URB2: variants seen among roughly 807,000 people sequenced by gnomAD.
The protein encoded by URB2 is unhealthy ribosome biogenesis protein 2 homolog.
In URB2, 86 loss-of-function variants were observed where a neutral mutation model predicts 120.9. The ratio of observed to expected loss-of-function variants is 0.71; its 90% confidence interval spans 0.60 to 0.85. URB2 has a LOEUF of 0.85. Ranked by LOEUF, URB2 falls within the 40% of genes least tolerant of loss-of-function variation. The pLI, the probability that URB2 is intolerant of heterozygous loss-of-function variation, is 0.00. For missense variants in URB2, 1,765 were observed against 1,836.5 expected (o/e 0.96, Z 0.71); for synonymous variants, 755 against 758.4 (o/e 1.00, Z 0.07).
rs375788834 is a variant in URB2 at position 229,637,788 on chromosome 1, T to G, written c.3175T>G (p.Ser1059Ala). 3.7e-6 allele frequency: 6 copies of G among 1,613,866 alleles called. No homozygotes were observed. Among genetic ancestry groups the G allele is most frequent in the Non-Finnish European group, 4.2e-6 (5 of 1,180,020 alleles). The change falls in exon 4 of 10, where the codon TCT becomes GCT. Residue 1059 changes from serine to alanine, a missense_variant. Physicochemically the swap from Ser to Ala is moderately conservative, Grantham distance 99. Coordinates refer to ENST00000258243, the MANE Select transcript of URB2 (RefSeq NM_014777.4). ...NPQGRQLLLV[S>A]LTRLCHVLGP... Reference sequence around the variant, plus strand: ...CCAGGGCAGGCAGCTCCTTCTGGTGTCTTTAACCAGGTTGTGCCATGTCCT... The same window carrying G: ...CCAGGGCAGGCAGCTCCTTCTGGTGGCTTTAACCAGGTTGTGCCATGTCCT...
rs558196379 is a variant in URB2, at chr1:229,633,866, C to T, written c.304-1051C>T. Among the ~76,000 whole-genome samples the T allele has an allele frequency of 2.6e-5, 4 of 152,342 alleles. No homozygotes were observed. In the East Asian group the frequency reaches 7.7e-4, roughly 29 times the overall value. ...AAAAAATTTTTTTGAGATAGAGTCT[C>T]TGTCACCCAGGCTGGAGTGCAGTGG... On this transcript the variant is annotated intron_variant, in intron 3 of 9. Transcript: ENST00000258243.
chr1:229,651,181 A>G, intron 7 of URB2, 54 bp from the exon 8 acceptor site: 1 of 1,506,574 alleles, frequency 6.6e-7, no homozygotes, highest in Non-Finnish European at 8.9e-7. Flanking sequence ...TTTAAAGTAG[A>G]AAAACTTAAA....
chr1:229,638,296 C>T (rs1665909901), intron 4 of URB2, 49 bp downstream of exon 4: 2 of 1,514,034 alleles, frequency 1.3e-6, no homozygotes, highest in Non-Finnish European at 1.8e-6. Context: ...GGTCTGGTTT[C>T]CACTGCTCCC....
intron 4 of URB2, among the ~76,000 whole-genome samples, chr1:229,639,885 GC>G (rs1258128653): frequency 6.6e-6 from 1 of 152,084 alleles, no homozygotes; most frequent in East Asian, 1.9e-4. Context: ...GACCTTTACA[GC>G]CCCCCTGGTG....
intron 4 of URB2, among the ~76,000 whole-genome samples, 187 bp downstream of exon 4, chr1:229,638,434 A>G (rs1353745490): frequency 6.6e-6 from 1 of 151,940 alleles, no homozygotes; most frequent in African/African-American, 2.4e-5. Flanking sequence ...TCACAAGGCC[A>G]GGAGATCGAG....
chr1:229,656,779 G>T (rs1466940707), intron 9 of URB2, among the ~76,000 whole-genome samples: 1 of 152,174 alleles, frequency 6.6e-6, no homozygotes, highest in Admixed American at 6.5e-5. Context: ...TTTCCTCCAA[G>T]CAGTAATGAG....
intron 2 of URB2, among the ~76,000 whole-genome samples, chr1:229,628,153 A>T (rs1467114655): frequency 4.2e-5 from 5 of 117,694 alleles, no homozygotes; most frequent in South Asian, 2.4e-4. Flanking sequence ...TATAATATAT[A>T]TAGTATATGT....
intron 2 of URB2, among the ~76,000 whole-genome samples, chr1:229,628,443 C>T (rs983432013): frequency 1.3e-5 from 2 of 151,510 alleles, no homozygotes; most frequent in South Asian, 4.2e-4. Context: ...ATGAACCCAC[C>T]GAATTTAGCA....
Position 229,637,003 on chromosome 1 carries a change from A to G in URB2, c.2390A>G (p.His797Arg), listed in dbSNP as rs199984745. Residue 797 changes from histidine to arginine, a missense_variant, in exon 4 of 10, where the codon CAT becomes CGT. His to Arg is a conservative substitution (Grantham distance 29). Coordinates refer to ENST00000258243, the MANE Select transcript of URB2 (RefSeq NM_014777.4). ...TLEKISKAFL[H>R]SPLFPEMQSL... ...GAAAAAATATCCAAAGCCTTCCTTC[A>G]TAGCCCTCTCTTTCCAGAGATGCAG... 2.9e-5 allele frequency: 47 copies of G among 1,613,986 alleles called. No homozygotes were observed. Among genetic ancestry groups the G allele is most frequent in the Admixed American group, 6.7e-5 (4 of 60,018 alleles).
Position 229,637,545 on chromosome 1 carries a change from T to C in URB2, c.2932T>C (p.Leu978=). 1.2e-6 allele frequency: 2 copies of C among 1,614,230 alleles called. No individual in the cohort carries two copies. The highest frequency in any genetic ancestry group is 8.5e-7 in the Non-Finnish European group (1 of 1,180,034). Residue 978 remains leucine (L), a synonymous_variant, in exon 4 of 10, where the codon TTG becomes CTG. Transcript: ENST00000258243. ...TATTTTTGAGGTTGTACTGACCTCA[T>C]TGTTCAGAGCTAGTAGTAGGTTCCT... ...SDIFEVVLTS[L]FRASSRFLIE...
At chr1:229,627,400 C>A (rs918993212) in intron 1 of URB2, among the ~76,000 whole-genome samples, 2 of 152,144 alleles carry the variant, frequency 1.3e-5, no homozygotes, top group African/African-American at 4.8e-5. Flanking sequence ...TGTGTGCAGT[C>A]CATCTTTTGC....
chr1:229,652,522 G>A (rs1666304862), intron 8 of URB2, among the ~76,000 whole-genome samples: 3 of 152,342 alleles, frequency 2.0e-5, no homozygotes, highest in South Asian at 2.1e-4. Flanking sequence ...TCCTCTGCCC[G>A]GTTTTGGGAT....
rs1428490000 is a variant in URB2, at chr1:229,647,667, T to C, written c.4064T>C (p.Leu1355Ser). ...TTCAGCATCCTTCTCACTGTCCCTTTGGACCATCTGAAGCCGCTGGAGTAT... is the reference window on the plus strand; with the variant it reads ...TTCAGCATCCTTCTCACTGTCCCTTCGGACCATCTGAAGCCGCTGGAGTAT... ...LAFSILLTVP[L>S]DHLKPLEYGS... Residue 1355 changes from leucine to serine, a missense_variant, in exon 7 of 10, where the codon TTG becomes TCG. By Grantham distance (145) the Leu-to-Ser change is moderately radical. Coordinates refer to ENST00000258243, the MANE Select transcript of URB2 (RefSeq NM_014777.4). The C allele has an allele frequency of 1.2e-6, 2 of 1,614,040 alleles. No homozygotes were observed. The highest frequency in any genetic ancestry group is 1.7e-6 in the Non-Finnish European group (2 of 1,180,042).
At chr1:229,628,463 T>A (rs1169551524) in intron 2 of URB2, among the ~76,000 whole-genome samples, 2 of 151,900 alleles carry the variant, frequency 1.3e-5, no homozygotes, top group Non-Finnish European at 2.9e-5. Context: ...ATTTCTTTTG[T>A]TTGGAGACAT....
rs2102795256 is a variant in URB2 at position 229,647,611 on chromosome 1, C to T, written c.4008C>T (p.Ala1336=). ...LAALLRQGEE[A]IGNPHHVSLA... is the part of the protein sequence containing the mutation. Reference sequence around the variant, plus strand: ...CACTGCTGCGGCAGGGGGAGGAGGCCATCGGCAACCCCCACCACGTCAGCC... The same window carrying T: ...CACTGCTGCGGCAGGGGGAGGAGGCTATCGGCAACCCCCACCACGTCAGCC... Residue 1336 remains alanine, a synonymous_variant, in exon 7 of 10, where the codon GCC becomes GCT. Coordinates refer to ENST00000258243, the MANE Select transcript of URB2 (RefSeq NM_014777.4). 1 of 1,614,190 alleles carries T rather than the reference C, an allele frequency of 6.2e-7. No individual in the cohort carries two copies. Among genetic ancestry groups the T allele is most frequent in the East Asian group, 2.2e-5 (1 of 44,872 alleles).
At chr1:229,634,056 G>A (rs573983029) in intron 3 of URB2, among the ~76,000 whole-genome samples, 8 of 151,430 alleles carry the variant, frequency 5.3e-5, no homozygotes, top group South Asian at 2.1e-4. Context: ...GTTCTCGAAC[G>A]CCTGGCCTCA....
intron 8 of URB2, among the ~76,000 whole-genome samples, chr1:229,653,941 T>TA (rs961635272): frequency 3.3e-5 from 5 of 149,702 alleles, no homozygotes; most frequent in African/African-American, 9.8e-5. Flanking sequence ...TTGGTGTTTT[T>TA]TTTTTTTTTT....
Position 229,643,646 on chromosome 1 carries a change from A to G in URB2, c.3748A>G (p.Ile1250Val), listed in dbSNP as rs1666066120. Residue 1250 changes from isoleucine (I) to valine (V), a missense_variant, in exon 5 of 10, where the codon ATT becomes GTT. Physicochemically the swap from Ile to Val is conservative, Grantham distance 29. Transcript: ENST00000258243. ...TEDLRLVMQC[I>V]LQGLDVSNMW... is the part of the protein sequence containing the mutation. Reference sequence around the variant, plus strand: ...GGACTTGAGGCTGGTGATGCAGTGTATTCTCCAGGGACTGGATGTCAGTAA... The same window carrying G: ...GGACTTGAGGCTGGTGATGCAGTGTGTTCTCCAGGGACTGGATGTCAGTAA... 1 of 1,614,076 alleles carries G rather than the reference A, an allele frequency of 6.2e-7. No homozygotes were observed. The highest frequency in any genetic ancestry group is 1.3e-5 in the African/African-American group (1 of 74,934).
rs1250598757 is a variant in URB2, at chr1:229,651,242, T to C, written c.4157T>C (p.Leu1386Pro). The C allele has an allele frequency of 1.2e-6, 2 of 1,608,050 alleles. No individual in the cohort carries two copies. Among genetic ancestry groups the C allele is most frequent in the South Asian group, 1.1e-5 (1 of 89,590 alleles). ...TGTTATCTGTCATTACAGGTAATGCTGAAAGCCATCCCTTCTTTCTTGAAC... is the reference window on the plus strand; with the variant it reads ...TGTTATCTGTCATTACAGGTAATGCCGAAAGCCATCCCTTCTTTCTTGAAC... ...SILQCHPKVM[L>P]KAIPSFLNSF... The change falls in exon 8 of 10, where the codon CTG becomes CCG. Residue 1386 changes from leucine (L) to proline (P), a missense_variant. Leu to Pro is a moderately conservative substitution (Grantham distance 98). Coordinates refer to ENST00000258243, the MANE Select transcript of URB2 (RefSeq NM_014777.4).
Sources: gnomAD v4.1 joint callset for allele counts (sites outside exome capture counted in the v4.1 genomes callset) on GRCh38, gnomAD v4.1.1 for gene constraint, MANE v1.5 for transcripts, NCBI Gene and HGNC (gene_info 2026-07-23, HGNC 2026-07-21) for gene names.